The following GSDMC variants were observed in gnomAD, a reference collection of about 807,000 sequenced individuals.
GSDMC encodes the protein gasdermin-C.
A neutral mutation model predicts 58.0 loss-of-function variants in GSDMC; 59 were observed. The ratio of observed to expected loss-of-function variants is 1.02; its 90% CI spans 0.82 to 1.26. GSDMC has a LOEUF of 1.26. Among genes scored for constraint, GSDMC ranks in the 50% most tolerant of loss-of-function variants. The pLI, the probability that GSDMC is intolerant of heterozygous loss-of-function variation, is 0.00. For synonymous variants in GSDMC, 241 were observed against 220.2 expected (o/e 1.09, Z -0.83); for missense variants, 659 against 598.5 (o/e 1.10, Z -1.06).
rs756471596 is a variant in GSDMC, at chr8:129,750,073, A to G, written c.1130T>C (p.Ile377Thr). Reference protein sequence around the residue: ...SGHLDGPGGAILKKLQQDSNH... With the variant: ...SGHLDGPGGATLKKLQQDSNH... Reference sequence around the variant, plus strand: ...TGAATCCTGTTGAAGTTTCTTTAGGATGGCACCACCAGGGCCATCCAAATG... The same window carrying G: ...TGAATCCTGTTGAAGTTTCTTTAGGGTGGCACCACCAGGGCCATCCAAATG... Residue 377 changes from isoleucine (I) to threonine (T), a missense_variant, in exon 12 of 14, where the codon ATC (isoleucine) becomes ACC (threonine). Transcript: ENST00000276708. 64 of 1,609,344 alleles carry G rather than the reference A, an allele frequency of 4.0e-5. 1 individual carries two copies. Among genetic ancestry groups the G allele is most frequent in the Non-Finnish European group, 5.4e-5 (64 of 1,177,696 alleles).
chr8:129,785,504 G>A (rs1244670756), intron 1 of GSDMC, among the ~76,000 whole-genome samples: 1 of 151,856 alleles, frequency 6.6e-6, no homozygotes, highest in Non-Finnish European at 1.5e-5. Flanking sequence ...TAGCACAACA[G>A]GGTGACTATA....
chr8:129,709,171 T>C, the GSDMC span, among the ~76,000 whole-genome samples: 1 of 111,450 alleles, frequency 9.0e-6, no homozygotes, highest in Non-Finnish European at 1.6e-5. Context: ...GAATTCCCCC[T>C]TCTTTTTTTT....
At chr8:129,736,304 T>C in the GSDMC span, among the ~76,000 whole-genome samples, 1 of 152,154 alleles carries the variant, frequency 6.6e-6, no homozygotes, top group Non-Finnish European at 1.5e-5. Context: ...CCAGCATCGT[T>C]CTGATACCAA....
At chr8:129,769,339 G>A (rs2130498722) in intron 3 of GSDMC, among the ~76,000 whole-genome samples, 1 of 152,252 alleles carries the variant, frequency 6.6e-6, no homozygotes, top group South Asian at 2.1e-4. Context: ...TTGCTTAGGA[G>A]AAATCTGGCT....
chr8:129,782,051 C>G (rs1471548199), intron 1 of GSDMC, among the ~76,000 whole-genome samples: 2 of 152,044 alleles, frequency 1.3e-5, no homozygotes, highest in South Asian at 2.1e-4. Flanking sequence ...AACTATAAAT[C>G]AATAACGAGA....
At chr8:129,721,376 A>T in the GSDMC span, among the ~76,000 whole-genome samples, 2 of 152,164 alleles carry the variant, frequency 1.3e-5, no homozygotes, top group African/African-American at 4.8e-5. Context: ...AACAGACAGC[A>T]CCATCTTCTT....
the GSDMC span, among the ~76,000 whole-genome samples, chr8:129,726,227 G>C: frequency 6.6e-6 from 1 of 152,140 alleles, no homozygotes; most frequent in African/African-American, 2.4e-5. Flanking sequence ...ATTTTTAAGG[G>C]AGACATTTAA....
the GSDMC span, among the ~76,000 whole-genome samples, chr8:129,718,420 A>G: frequency 2.0e-5 from 3 of 152,254 alleles, no homozygotes; most frequent in Non-Finnish European, 4.4e-5. Flanking sequence ...AACATATGGA[A>G]AAAAGCTCAT....
At chr8:129,767,574 C>A (rs937491854) in intron 3 of GSDMC, among the ~76,000 whole-genome samples, 12 of 152,068 alleles carry the variant, frequency 7.9e-5, no homozygotes, top group Non-Finnish European at 1.6e-4. Flanking sequence ...ACAAACCCAG[C>A]CAATCTGGGA....
the GSDMC span, chr8:129,730,258 G>T: frequency 7.4e-7 from 1 of 1,345,612 alleles, no homozygotes; most frequent in Non-Finnish European, 1.0e-6. Flanking sequence ...GGAAGTAAAG[G>T]AAGATCAGAG....
the GSDMC span, among the ~76,000 whole-genome samples, chr8:129,719,735 G>A: frequency 2.0e-5 from 3 of 152,004 alleles, no homozygotes; most frequent in Admixed American, 6.6e-5. Flanking sequence ...ACTTGAGGCC[G>A]GGAATTTGAG....
rs770666544 is a variant in GSDMC, at chr8:129,760,524, A to G, written c.721+21T>C. The G allele has an allele frequency of 3.3e-6, 5 of 1,497,766 alleles. No individual in the cohort carries two copies. The Admixed American group carries it at 7.0e-5, about 21-fold the overall frequency. The allele number at this position is 1,497,766 out of a possible 1,614,324, so 92.8% of individuals were successfully genotyped here. A position where few individuals can be genotyped will look rare whatever the true frequency, so the allele number is the denominator to read the frequency against. On this transcript the variant is annotated intron_variant, in intron 6 of 13. Transcript: ENST00000276708. ...TACTCATAAAAATAAAAAAATAAAA[A>G]GACCAGGCTTTGGAACTCACCATCT...
intron 1 of GSDMC, among the ~76,000 whole-genome samples, chr8:129,783,762 A>T (rs2034480359): frequency 6.6e-6 from 1 of 152,198 alleles, no homozygotes; most frequent in African/African-American, 2.4e-5. Flanking sequence ...ATATGGAAAC[A>T]CAAAAGACCC....
chr8:129,715,591 C>T, the GSDMC span, among the ~76,000 whole-genome samples: 102 of 152,136 alleles, frequency 6.7e-4, 1 homozygote, highest in South Asian at 1.7e-3. Context: ...CAAAATCAAA[C>T]TAAAATAAAG....
intron 6 of GSDMC, among the ~76,000 whole-genome samples, chr8:129,758,814 CA>C (rs2033543159): frequency 2.0e-5 from 3 of 152,018 alleles, no homozygotes; most frequent in Non-Finnish European, 4.4e-5. Flanking sequence ...AGATTCAATG[CA>C]ATCCCTATCA....
chr8:129,726,434 C>T, the GSDMC span, among the ~76,000 whole-genome samples: 5 of 152,028 alleles, frequency 3.3e-5, no homozygotes, highest in East Asian at 9.7e-4. Flanking sequence ...TCAGTAGGTC[C>T]GGAAGCATAT....
intron 4 of GSDMC, 52 bp downstream of exon 4, chr8:129,765,576 G>A (rs1390551370): frequency 8.1e-6 from 11 of 1,350,880 alleles, no homozygotes; most frequent in Admixed American, 1.7e-5. Context: ...TTGGCTGCCA[G>A]GACTGGCTGT....
chr8:129,750,698 T>C, intron 10 of GSDMC, 128 bp from the exon 11 acceptor site: 1 of 847,226 alleles, frequency 1.2e-6, no homozygotes, highest in East Asian at 2.5e-5. Flanking sequence ...CTAACCAAAA[T>C]TGTCTCTGCT....
chr8:129,751,267 C>T (rs1455566865), intron 10 of GSDMC, among the ~76,000 whole-genome samples: 1 of 152,178 alleles, frequency 6.6e-6, no homozygotes, highest in Non-Finnish European at 1.5e-5. Context: ...AGACATCTGG[C>T]TCCCTCAGGG....
Sources: gnomAD v4.1 joint callset for allele counts (sites outside exome capture counted in the v4.1 genomes callset) on GRCh38, gnomAD v4.1.1 for gene constraint, MANE v1.5 for transcripts, NCBI Gene and HGNC (gene_info 2026-07-23, HGNC 2026-07-21) for gene names.